TMEM161B: variants seen among roughly 807,000 people sequenced by gnomAD.
The protein encoded by TMEM161B is transmembrane protein 161B.
In TMEM161B, 34 loss-of-function variants were observed where a neutral mutation model predicts 61.8. The observed-to-expected ratio is 0.55, with a 90% confidence interval of 0.42 to 0.73. TMEM161B has a LOEUF of 0.73. TMEM161B is among the 30% of genes least tolerant of loss of function. TMEM161B has a pLI of 0.00. For synonymous variants in TMEM161B, 167 were observed against 192.8 expected (o/e 0.87, Z 1.11); for missense variants, 456 against 558.5 (o/e 0.82, Z 1.85).
intron 4 of TMEM161B, among the ~76,000 whole-genome samples, chr5:88,223,614 G>A (rs1007722682): frequency 3.3e-5 from 5 of 152,216 alleles, no homozygotes; most frequent in Non-Finnish European, 7.4e-5. Context: ...TGGGCCAGGT[G>A]CAGTGGCTCA....
At chr5:88,204,797 G>A (rs1238224622) in intron 8 of TMEM161B, among the ~76,000 whole-genome samples, 2 of 151,100 alleles carry the variant, frequency 1.3e-5, no homozygotes, top group East Asian at 1.9e-4. Context: ...AGTGGGAGGC[G>A]ATAGTAAGTA....
At chr5:88,242,748 A>G (rs1752954262) in intron 1 of TMEM161B, among the ~76,000 whole-genome samples, 1 of 151,740 alleles carries the variant, frequency 6.6e-6, no homozygotes, top group African/African-American at 2.4e-5. Flanking sequence ...TGTCACTGTT[A>G]TTATCACTAC....
intron 5 of TMEM161B, among the ~76,000 whole-genome samples, chr5:88,208,580 T>G (rs1746043074): frequency 6.6e-6 from 1 of 152,152 alleles, no homozygotes; most frequent in African/African-American, 2.4e-5. Context: ...AGGCGGAGGT[T>G]GCAGTGAGCC....
intron 1 of TMEM161B, among the ~76,000 whole-genome samples, chr5:88,260,339 A>T (rs962017191): frequency 6.6e-6 from 1 of 152,256 alleles, no homozygotes; most frequent in Non-Finnish European, 1.5e-5. Flanking sequence ...AAATTTACAT[A>T]ATCAGAATCA....
chr5:88,237,230 G>A (rs1259177104), intron 2 of TMEM161B, among the ~76,000 whole-genome samples: 1 of 152,048 alleles, frequency 6.6e-6, no homozygotes, highest in African/African-American at 2.4e-5. Context: ...AGCCTCCCCT[G>A]CACTTTGGCC....
rs916295760 is a variant in TMEM161B, at chr5:88,199,340, T to C, written c.915-190A>G. The C allele has an allele frequency of 2.0e-5, 9 of 457,748 alleles. No individual in the cohort carries two copies. The East Asian group carries it at 2.5e-4, about 13-fold the overall frequency. The allele number at this position is 457,748 out of a possible 1,614,324, so 28.4% of individuals were successfully genotyped here. On this transcript the variant is annotated intron_variant, in intron 9 of 11. Coordinates refer to ENST00000296595, the MANE Select transcript of TMEM161B (RefSeq NM_153354.5). ...AACTTGAATAACAGAACTAGATAAA[T>C]GTATCATGAAAGCGTAAGAAGTTAA...
intron 1 of TMEM161B, among the ~76,000 whole-genome samples, chr5:88,250,135 A>C (rs1754136907): frequency 6.6e-6 from 1 of 152,006 alleles, no homozygotes; most frequent in Admixed American, 6.6e-5. Context: ...AAAGGAGACA[A>C]ACAGTGATTT....
At chr5:88,220,029 G>C (rs555578359) in intron 5 of TMEM161B, among the ~76,000 whole-genome samples, 2 of 151,782 alleles carry the variant, frequency 1.3e-5, no homozygotes, top group East Asian at 3.9e-4. Flanking sequence ...GAACTATTGA[G>C]GTTCTACCAA....
At chr5:88,243,837 A>G (rs1753149099) in intron 1 of TMEM161B, among the ~76,000 whole-genome samples, 1 of 151,716 alleles carries the variant, frequency 6.6e-6, no homozygotes, top group Non-Finnish European at 1.5e-5. Flanking sequence ...ACATTTCTCT[A>G]ATGATTAGTG....
chr5:88,223,602 A>C (rs548113955), intron 4 of TMEM161B, among the ~76,000 whole-genome samples: 1 of 152,182 alleles, frequency 6.6e-6, no homozygotes, highest in South Asian at 2.1e-4. Context: ...TAAAAGTCTA[A>C]ATGGGCCAGG....
chr5:88,192,754 G>A (rs1386243153), downstream of TMEM161B, among the ~76,000 whole-genome samples: 1 of 152,188 alleles, frequency 6.6e-6, no homozygotes, highest in East Asian at 1.9e-4. Flanking sequence ...GTTGAATAAA[G>A]CCATATACCT....
chr5:88,263,669 T>C (rs1215374748), intron 1 of TMEM161B, among the ~76,000 whole-genome samples: 3 of 152,208 alleles, frequency 2.0e-5, no homozygotes, highest in Non-Finnish European at 4.4e-5. Flanking sequence ...ACTTCTCTCT[T>C]AGAAATGAAC....
intron 2 of TMEM161B, among the ~76,000 whole-genome samples, chr5:88,237,717 T>TAC (rs59292911): frequency 0.75 from 113,155 of 151,600 alleles, 42,367 homozygotes; most frequent in African/African-American, 0.8. Context: ...CAGACTACTA[T>TAC]ACAGTTTCTT....
intron 2 of TMEM161B, among the ~76,000 whole-genome samples, chr5:88,238,902 A>C (rs2112643738): frequency 6.6e-6 from 1 of 152,170 alleles, no homozygotes; most frequent in African/African-American, 2.4e-5. Flanking sequence ...AGAGGAAATG[A>C]AACTACCTAT....
At chr5:88,237,994 C>T (rs1448071587) in intron 2 of TMEM161B, among the ~76,000 whole-genome samples, 1 of 152,022 alleles carries the variant, frequency 6.6e-6, no homozygotes, top group Non-Finnish European at 1.5e-5. Flanking sequence ...CCATCCAATG[C>T]CCCCAACACC....
chr5:88,227,861 A>C (rs1750320463), intron 3 of TMEM161B, among the ~76,000 whole-genome samples: 1 of 152,200 alleles, frequency 6.6e-6, no homozygotes, highest in South Asian at 2.1e-4. Context: ...TAAAATCTTA[A>C]AGCTGGAAGG....
chr5:88,238,639 A>G (rs953861558), intron 2 of TMEM161B, among the ~76,000 whole-genome samples: 1 of 152,058 alleles, frequency 6.6e-6, no homozygotes, highest in African/African-American at 2.4e-5. Flanking sequence ...ACCCAACTGC[A>G]TCATATGATT....
At chr5:88,252,176 A>G (rs1192529662) in intron 1 of TMEM161B, among the ~76,000 whole-genome samples, 2 of 152,164 alleles carry the variant, frequency 1.3e-5, no homozygotes, top group Admixed American at 6.5e-5. Flanking sequence ...AAAAGTAAAG[A>G]GAAGGGAATT....
At chr5:88,187,386 T>G (rs965066933), downstream of TMEM161B, among the ~76,000 whole-genome samples, 1 of 152,190 alleles carries the variant, frequency 6.6e-6, no homozygotes, top group African/African-American at 2.4e-5. Flanking sequence ...TTATTTGGAT[T>G]GTGTTGAATT....
Sources: allele counts gnomAD v4.1 joint callset (sites outside exome capture counted in the v4.1 genomes callset), GRCh38; gene constraint gnomAD v4.1.1; transcripts MANE v1.5; gene names NCBI Gene and HGNC (gene_info 2026-07-23, HGNC 2026-07-21).